NAV2: variants seen among roughly 807,000 people sequenced by gnomAD.
NAV2 encodes neuron navigator 2.
In NAV2, 54 loss-of-function variants were observed where a neutral mutation model predicts 223.2. The observed-to-expected ratio is 0.24, with a 90% confidence interval of 0.19 to 0.30. The LOEUF (loss-of-function observed/expected upper bound fraction) is 0.30. Ranked by LOEUF, NAV2 falls within the 10% of genes least tolerant of loss-of-function variation. NAV2 has a pLI of 1.00. For synonymous variants in NAV2, 1,279 were observed against 1,239.3 expected, an observed-to-expected ratio of 1.03 and a Z score of -0.67; for missense variants, 2,806 against 3,147.5, an observed-to-expected ratio of 0.89 and a Z score of 2.60.
At chr11:19,457,864 G>T (rs1282210705) in intron 1 of NAV2, among the ~76,000 whole-genome samples, 2 of 152,128 alleles carry the variant, frequency 1.3e-5, no homozygotes, top group African/African-American at 4.8e-5. Flanking sequence ...CTCATGTTTT[G>T]CCCCCAAGAA....
At chr11:19,976,401 C>T (rs1446286411) in intron 10 of NAV2, among the ~76,000 whole-genome samples, 2 of 152,186 alleles carry the variant, frequency 1.3e-5, no homozygotes, top group Non-Finnish European at 2.9e-5. Flanking sequence ...AAGCAGTCCT[C>T]AGCACTGGCT....
chr11:19,411,457 T>C (rs1231190519), intron 1 of NAV2, among the ~76,000 whole-genome samples: 1 of 152,218 alleles, frequency 6.6e-6, no homozygotes, highest in Non-Finnish European at 1.5e-5. Context: ...CATTTATTTA[T>C]TGTGGCTGGA....
intron 1 of NAV2, among the ~76,000 whole-genome samples, chr11:19,645,538 G>A (rs1355492423): frequency 6.6e-6 from 1 of 152,100 alleles, no homozygotes; most frequent in Non-Finnish European, 1.5e-5. Flanking sequence ...ATAGGTTTGG[G>A]GTGATAAGGA....
intron 2 of NAV2, among the ~76,000 whole-genome samples, chr11:19,841,025 T>C (rs1215035926): frequency 1.3e-5 from 2 of 152,226 alleles, no homozygotes; most frequent in East Asian, 3.8e-4. Context: ...GTGGGCATCT[T>C]GTTTGTGCTT....
intron 10 of NAV2, among the ~76,000 whole-genome samples, chr11:19,961,972 G>T (rs2048379554): frequency 6.6e-6 from 1 of 151,778 alleles, no homozygotes; most frequent in African/African-American, 2.4e-5. Context: ...GTTTGTGTGG[G>T]TATGGGTGTA....
chr11:19,794,230 G>A (rs116123929), intron 1 of NAV2, among the ~76,000 whole-genome samples: 2 of 152,272 alleles, frequency 1.3e-5, no homozygotes, highest in African/African-American at 2.4e-5. Flanking sequence ...GCCTGTGCTC[G>A]GCGTTGTAAG....
intron 26 of NAV2, among the ~76,000 whole-genome samples, chr11:20,087,419 G>T (rs2060527561): frequency 6.6e-6 from 1 of 152,150 alleles, no homozygotes; most frequent in Admixed American, 6.5e-5. Flanking sequence ...AACCTCGAAG[G>T]GTTTGTAAGA....
At chr11:19,526,577 A>G (rs2043849199) in intron 1 of NAV2, among the ~76,000 whole-genome samples, 1 of 152,156 alleles carries the variant, frequency 6.6e-6, no homozygotes, top group African/African-American at 2.4e-5. Context: ...AGGGGAAAAG[A>G]GGGAAAGACA....
chr11:19,925,193 C>T lies in NAV2; in HGVS notation c.932-7983C>T, dbSNP rs961400545. ...GGATATCGGTCACTTATCAGATATG[C>T]GATTTATAAATATTCCATCCGGTTC... On this transcript the variant is annotated intron_variant, in intron 6 of 37. Coordinates refer to ENST00000349880, the MANE Select transcript of NAV2 (RefSeq NM_145117.5). 5.9e-5 allele frequency among the ~76,000 whole-genome samples: 9 copies of T among 152,216 alleles called. No individual in the cohort carries two copies. In the East Asian group the frequency reaches 1.4e-3, roughly 23 times the overall value.
intron 1 of NAV2, among the ~76,000 whole-genome samples, chr11:19,772,074 G>A (rs934674137): frequency 1.3e-5 from 2 of 152,118 alleles, no homozygotes; most frequent in South Asian, 2.1e-4. Context: ...TCTTAAATTC[G>A]ACTCTGAAGT....
chr11:19,631,080 A>T (rs887996927), intron 1 of NAV2, among the ~76,000 whole-genome samples: 2 of 149,658 alleles, frequency 1.3e-5, no homozygotes, highest in East Asian at 3.9e-4. Context: ...CATTTTATCC[A>T]TGGCCCTTTC....
chr11:19,665,363 A>G (rs548421078), intron 1 of NAV2, among the ~76,000 whole-genome samples: 2 of 152,252 alleles, frequency 1.3e-5, no homozygotes, highest in South Asian at 4.1e-4. Flanking sequence ...GAGGCAGCTG[A>G]GCTGAGAAGC....
At chr11:20,115,593 CT>C (rs2063000681) in intron 37 of NAV2, among the ~76,000 whole-genome samples, 10 of 130,754 alleles carry the variant, frequency 7.6e-5, no homozygotes, top group African/African-American at 2.3e-4. Context: ...GATCGCGCCA[CT>C]GCACTCCAGC....
At chr11:20,044,706 C>T (rs1408578031) in intron 13 of NAV2, among the ~76,000 whole-genome samples, 1 of 152,126 alleles carries the variant, frequency 6.6e-6, no homozygotes, top group African/African-American at 2.4e-5. Context: ...GGGGTTCTTT[C>T]CCCCCAGACA....
intron 11 of NAV2, among the ~76,000 whole-genome samples, chr11:19,986,448 T>A (rs572040565): frequency 1.1e-4 from 16 of 152,286 alleles, no homozygotes; most frequent in African/African-American, 3.8e-4. Context: ...GATGAAACCC[T>A]GTCTCTACTA....
At chr11:19,620,399 T>A (rs1387752218) in intron 1 of NAV2, among the ~76,000 whole-genome samples, 10 of 152,162 alleles carry the variant, frequency 6.6e-5, no homozygotes, top group Middle Eastern at 3.2e-3. Flanking sequence ...TGAGCATGGA[T>A]TGTTCTTCCA....
chr11:19,530,073 A>T (rs953728828), intron 1 of NAV2, among the ~76,000 whole-genome samples: 1 of 152,210 alleles, frequency 6.6e-6, no homozygotes, highest in Non-Finnish European at 1.5e-5. Context: ...GGAGGGTCAG[A>T]AGTCCCCTGA....
chr11:19,798,859 G>A (rs906914638), intron 1 of NAV2, among the ~76,000 whole-genome samples: 3 of 152,098 alleles, frequency 2.0e-5, no homozygotes, highest in African/African-American at 7.2e-5. Flanking sequence ...GCCTGACTTC[G>A]ACCTATGAAT....
chr11:19,401,003 C>T (rs907873735), intron 1 of NAV2, among the ~76,000 whole-genome samples: 1 of 152,130 alleles, frequency 6.6e-6, no homozygotes, highest in African/African-American at 2.4e-5. Context: ...AAAACATTGG[C>T]TCCCTCTAAA....
Sources: gnomAD v4.1 joint callset for allele counts (sites outside exome capture counted in the v4.1 genomes callset) on GRCh38, gnomAD v4.1.1 for gene constraint, MANE v1.5 for transcripts, NCBI Gene and HGNC (gene_info 2026-07-23, HGNC 2026-07-21) for gene names.